The following HEMK1 variants were observed in gnomAD, a reference collection of about 807,000 sequenced individuals.
HEMK1 encodes the protein HemK methyltransferase 1, mitochondrial release factors N(5)-glutamine.
Under a neutral mutation model 47.9 loss-of-function variants are expected in HEMK1, and 36 were observed. The observed-to-expected ratio is 0.75, with a 90% CI of 0.58 to 0.99. The LOEUF is 0.99. Among genes scored for constraint, HEMK1 ranks in the 50% least tolerant of loss-of-function variants. The pLI is 0.00. For missense variants in HEMK1, 383 were observed against 434.5 expected, an observed-to-expected ratio of 0.88 and a Z score of 1.05; for synonymous variants, 153 against 165.4, an observed-to-expected ratio of 0.93 and a Z score of 0.57.
chr3:50,574,090 T>C (rs2107434714), intron 4 of HEMK1, among the ~76,000 whole-genome samples: 1 of 152,322 alleles, frequency 6.6e-6, no homozygotes, highest in South Asian at 2.1e-4. Context: ...CTTGATGGGG[T>C]ATGGAGTCCA....
At chr3:50,580,081 G>A (rs945449108) in intron 9 of HEMK1, 35 bp from the exon 10 acceptor site, 9 of 1,588,790 alleles carry the variant, frequency 5.7e-6, no homozygotes, top group Non-Finnish European at 7.8e-6. Context: ...CGCCAGACCT[G>A]TCCTGCTGAG....
chr3:50,577,890 A>T lies in HEMK1; in HGVS notation c.664+15A>T. ...CATGACCTCAGGTACCCTCCCCTGC[A>T]TGTTCCTTGAGAGAGGGAGACTAGA... On this transcript the variant is annotated intron_variant, in intron 7 of 10. Transcript: ENST00000232854. 5 of 1,613,192 alleles carry T rather than the reference A, an allele frequency of 3.1e-6. No homozygotes were observed. Among genetic ancestry groups the T allele is most frequent in the Non-Finnish European group, 4.2e-6 (5 of 1,179,184 alleles).
rs553868935 is a variant in HEMK1 at position 50,585,862 on chromosome 3, T to C, written c.*5445T>C. The C allele has an allele frequency of 6.6e-6, 1 of 152,340 alleles. No individual in the cohort carries two copies. The highest frequency in any genetic ancestry group is 2.1e-4 in the South Asian group (1 of 4,826). The allele number at this position is 152,340 out of a possible 1,614,324, so 9.4% of individuals were successfully genotyped here. On this transcript the variant is annotated 3_prime_UTR_variant, in exon 11 of 11. Transcript: ENST00000232854. Reference sequence around the variant, plus strand: ...ACAGCACTTGACTCCTGACTCCCAGTATGATGCTCTCATCTCCTATTGCTT... The same window carrying C: ...ACAGCACTTGACTCCTGACTCCCAGCATGATGCTCTCATCTCCTATTGCTT...
chr3:50,577,307 C>T, intron 5 of HEMK1, 121 bp downstream of exon 5: 3 of 1,252,838 alleles, frequency 2.4e-6, no homozygotes, highest in Non-Finnish European at 3.4e-6. Context: ...TGAGGGAGGA[C>T]AGGGCTGCCC....
chr3:50,588,150 AGTT>A lies in HEMK1; in HGVS notation c.*7736_*7738del, dbSNP rs1283075732. 2 of 152,246 alleles carry A rather than the reference AGTT, an allele frequency of 1.3e-5. No homozygotes were observed. The highest frequency in any genetic ancestry group is 2.9e-5 in the Non-Finnish European group (2 of 68,072). The allele number at this position is 152,246 out of a possible 1,614,324, so 9.4% of individuals were successfully genotyped here. On this transcript the variant is annotated 3_prime_UTR_variant, in exon 11 of 11. Coordinates refer to ENST00000232854, the MANE Select transcript of HEMK1 (RefSeq NM_016173.5). ...AGTCCAAAGGCAACCCTTGAGGTAG[AGTT>A]GTGAAGACCACTCTCCTAGACCTGA... is the stretch of plus-strand genomic sequence containing the variant.
At chr3:50,573,380 C>A (rs1238136051) in intron 4 of HEMK1, among the ~76,000 whole-genome samples, 1 of 152,224 alleles carries the variant, frequency 6.6e-6, no homozygotes. Flanking sequence ...CCTGTGGCTC[C>A]TGAAAACACG....
At position 50,581,805 on chromosome 3, in the gene HEMK1, C is replaced by T. The variant is rs2030848330; in HGVS notation, c.*1388C>T. 1.3e-5 allele frequency: 2 copies of T among 152,260 alleles called. No individual in the cohort carries two copies. Among genetic ancestry groups the T allele is most frequent in the Admixed American group, 1.3e-4 (2 of 15,278 alleles). 9.4% of individuals were successfully genotyped at this position (152,260 alleles called of 1,614,324 possible). A position where few individuals can be genotyped will look rare whatever the true frequency, so the allele number is the denominator to read the frequency against. ...TGCCCTGCACTATGGCTGGAGGACA[C>T]ATTTGGTAGAGGTCACACTGCAGCT... On this transcript the variant is annotated 3_prime_UTR_variant, in exon 11 of 11. Coordinates refer to ENST00000232854, the MANE Select transcript of HEMK1 (RefSeq NM_016173.5).
chr3:50,572,579 G>A (rs1701122367), intron 4 of HEMK1, among the ~76,000 whole-genome samples: 1 of 152,246 alleles, frequency 6.6e-6, no homozygotes, highest in Non-Finnish European at 1.5e-5. Flanking sequence ...TGGAGGAAGT[G>A]GAGAGGGCTC....
chr3:50,569,714 T>C (rs1700684578), intron 1 of HEMK1, 140 bp downstream of exon 1: 1 of 152,374 alleles, frequency 6.6e-6, no homozygotes, highest in South Asian at 2.1e-4. Flanking sequence ...AACAATGCGG[T>C]GCGTAGCTGT....
chr3:50,581,974 C>T lies in HEMK1; in HGVS notation c.*1557C>T, dbSNP rs1312305180. ...TGCACAACCAGGGCAAGGCTCCCCA[C>T]TTCCTTAGTCCCCCATGCTCACAGA... On this transcript the variant is annotated 3_prime_UTR_variant, in exon 11 of 11. Coordinates refer to ENST00000232854, the MANE Select transcript of HEMK1 (RefSeq NM_016173.5). 6.6e-6 allele frequency: 1 copy of T among 152,366 alleles called. No individual in the cohort carries two copies. The highest frequency in any genetic ancestry group is 1.5e-5 in the Non-Finnish European group (1 of 68,144). 9.4% of individuals were successfully genotyped at this position (152,366 alleles called of 1,614,324 possible). A position where few individuals can be genotyped will look rare whatever the true frequency, so the allele number is the denominator to read the frequency against.
At chr3:50,577,421 G>A (rs1234998294) in intron 5 of HEMK1, 88 bp from the exon 6 acceptor site, 1 of 1,308,050 alleles carries the variant, frequency 7.6e-7, no homozygotes, top group Non-Finnish European at 1.1e-6. Flanking sequence ...CTTCTGGTGG[G>A]GGGTTGGAGG....
rs2031947705 is a variant in HEMK1, at chr3:50,595,841, A to T, written c.*15424A>T. 6.6e-6 allele frequency: 1 copy of T among 152,252 alleles called. No individual in the cohort carries two copies. Among genetic ancestry groups the T allele is most frequent in the Admixed American group, 6.5e-5 (1 of 15,288 alleles). 9.4% of individuals were successfully genotyped at this position (152,252 alleles called of 1,614,324 possible). On this transcript the variant is annotated 3_prime_UTR_variant, in exon 11 of 11. Transcript: ENST00000232854. ...TTTCTGGGGTGACTCTCTTTCCTCC[A>T]GACCTCTCCTGCAAACAACGCAGGG... is the stretch of plus-strand genomic sequence containing the variant.
chr3:50,585,344 TG>T lies in HEMK1; in HGVS notation c.*4929del. ...GCCCCTGACTTTGAGCTAATGGGCC[TG>T]GCCCCTCCATGTAAGCCATAGGCCT... On this transcript the variant is annotated 3_prime_UTR_variant, in exon 11 of 11. Coordinates refer to ENST00000232854, the MANE Select transcript of HEMK1 (RefSeq NM_016173.5). The T allele has an allele frequency of 6.6e-6, 1 of 152,454 alleles. No homozygotes were observed. 9.4% of individuals were successfully genotyped at this position (152,454 alleles called of 1,614,324 possible).
Position 50,589,292 on chromosome 3 carries a change from C to T in HEMK1, c.*8875C>T, listed in dbSNP as rs1010474269. 3 of 152,230 alleles carry T rather than the reference C, an allele frequency of 2.0e-5. No individual in the cohort carries two copies. Among genetic ancestry groups the T allele is most frequent in the Admixed American group, 2.0e-4 (3 of 15,286 alleles). The allele number at this position is 152,230 out of a possible 1,614,324, so 9.4% of individuals were successfully genotyped here. A position where few individuals can be genotyped will look rare whatever the true frequency, so the allele number is the denominator to read the frequency against. On this transcript the variant is annotated 3_prime_UTR_variant, in exon 11 of 11. Transcript: ENST00000232854. ...CCCACCTTGCAGTCTCTTTGATTGA[C>T]AGGGACAGCAAGAGAAGCCTTATCT...
chr3:50,571,865 C>T (rs1419507839), intron 3 of HEMK1, 64 bp downstream of exon 3: 26 of 1,513,244 alleles, frequency 1.7e-5, no homozygotes, highest in Non-Finnish European at 2.2e-5. Flanking sequence ...CCTCCCCTAT[C>T]CCCACCAAGT....
upstream of HEMK1, chr3:50,569,383 T>A (rs1700620680): frequency 6.6e-6 from 1 of 152,172 alleles, no homozygotes. Context: ...TCCGCAGGGG[T>A]CTCCTGGGAG....
rs2031141686 is a variant in HEMK1, at chr3:50,584,250, C to A, written c.*3833C>A. The stretch of plus-strand genomic sequence containing the variant: ...GCCAGAGTCCTGGCTAGGACAGTGA[C>A]CTGATCTCCTCCTCATGACCTTCTG... On this transcript the variant is annotated 3_prime_UTR_variant, in exon 11 of 11. Transcript: ENST00000232854. The A allele has an allele frequency of 6.6e-6, 1 of 152,256 alleles. No homozygotes were observed. The highest frequency in any genetic ancestry group is 1.5e-5 in the Non-Finnish European group (1 of 68,082). 9.4% of individuals were successfully genotyped at this position (152,256 alleles called of 1,614,324 possible).
chr3:50,573,094 T>C (rs2107414500), intron 4 of HEMK1, among the ~76,000 whole-genome samples: 1 of 152,370 alleles, frequency 6.6e-6, no homozygotes, highest in South Asian at 2.1e-4. Context: ...AGAAACTCTC[T>C]GACCCCTCTC....
chr3:50,571,923 G>A (rs1701012022), intron 3 of HEMK1, 122 bp downstream of exon 3: 4 of 1,305,844 alleles, frequency 3.1e-6, no homozygotes, highest in Admixed American at 3.6e-5. Flanking sequence ...TTGGGGTGCA[G>A]GAGTGGCAAG....
Sources: gnomAD v4.1 joint callset for allele counts (sites outside exome capture counted in the v4.1 genomes callset) on GRCh38, gnomAD v4.1.1 for gene constraint, MANE v1.5 for transcripts, NCBI Gene and HGNC (gene_info 2026-07-23, HGNC 2026-07-21) for gene names.